Variants in BACH2 observed in about 807,000 individuals in gnomAD.
BACH2 encodes transcription regulator protein BACH2.
A neutral mutation model predicts 61.8 loss-of-function variants in BACH2; 5 were observed. The ratio of observed to expected loss-of-function variants is 0.08; its 90% confidence interval spans 0.04 to 0.17. The LOEUF is 0.17. Ranked by LOEUF, BACH2 falls within the 10% of genes least tolerant of loss-of-function variation. The probability of loss-of-function intolerance (pLI) is 1.00; values close to 1 mark genes in which losing one functional copy is unlikely to be tolerated. For synonymous variants in BACH2, 446 were observed against 440.1 expected, an observed-to-expected ratio of 1.01 and a Z score of -0.17; for missense variants, 824 against 1,091.1, an observed-to-expected ratio of 0.76 and a Z score of 3.45.
chr6:90,111,566 G>A (rs1783171417), intron 4 of BACH2, among the ~76,000 whole-genome samples: 2 of 152,116 alleles, frequency 1.3e-5, no homozygotes, highest in South Asian at 4.1e-4. Context: ...TATCCTGTGT[G>A]CTCCAGCCTG....
At chr6:90,197,504 A>G (rs1768800152) in intron 4 of BACH2, among the ~76,000 whole-genome samples, 1 of 152,224 alleles carries the variant, frequency 6.6e-6, no homozygotes, top group South Asian at 2.1e-4. Context: ...TGACAGAAAA[A>G]GGGCAGAGTT....
intron 5 of BACH2, among the ~76,000 whole-genome samples, chr6:90,037,393 C>T (rs1360130974): frequency 6.6e-6 from 1 of 152,222 alleles, no homozygotes; most frequent in Non-Finnish European, 1.5e-5. Flanking sequence ...GAGTTTTACA[C>T]AACTATAAAA....
At chr6:90,272,085 C>A (rs968900004) in intron 1 of BACH2, 144 bp from the exon 2 acceptor site, 1 of 152,212 alleles carries the variant, frequency 6.6e-6, no homozygotes, top group African/African-American at 2.4e-5. Context: ...CAGGGACTTG[C>A]CCATGAGGAA....
chr6:90,093,771 G>A (rs542505533), intron 4 of BACH2, among the ~76,000 whole-genome samples: 10 of 152,298 alleles, frequency 6.6e-5, no homozygotes, highest in Admixed American at 6.5e-5. Flanking sequence ...TGGTGAATAA[G>A]AGTACCATGG....
At chr6:90,101,210 T>C (rs935498790) in intron 4 of BACH2, among the ~76,000 whole-genome samples, 1 of 152,246 alleles carries the variant, frequency 6.6e-6, no homozygotes, top group Non-Finnish European at 1.5e-5. Context: ...ACTTTCTTAA[T>C]GGTTTCCTTT....
chr6:90,108,714 C>T (rs1330762934), intron 4 of BACH2, among the ~76,000 whole-genome samples: 2 of 152,190 alleles, frequency 1.3e-5, no homozygotes, highest in Non-Finnish European at 2.9e-5. Context: ...TATCATTGCT[C>T]TAGACTTAAG....
At chr6:90,203,768 G>A (rs1056465247) in intron 4 of BACH2, among the ~76,000 whole-genome samples, 1 of 152,082 alleles carries the variant, frequency 6.6e-6, no homozygotes, top group Admixed American at 6.5e-5. Flanking sequence ...ATTCTTGATG[G>A]GCCTTATGCG....
intron 3 of BACH2, among the ~76,000 whole-genome samples, chr6:90,236,872 A>G (rs145466650): frequency 6.6e-6 from 1 of 152,160 alleles, no homozygotes; most frequent in Non-Finnish European, 1.5e-5. Flanking sequence ...TACTATGTCC[A>G]TGATTCCACT....
At chr6:90,171,272 G>A (rs770529517) in intron 4 of BACH2, among the ~76,000 whole-genome samples, 6 of 151,990 alleles carry the variant, frequency 3.9e-5, no homozygotes, top group Non-Finnish European at 7.4e-5. Context: ...AATTAGCCAG[G>A]TGTGGTAGTG....
chr6:90,022,640 C>T (rs1187039070), intron 5 of BACH2, among the ~76,000 whole-genome samples: 6 of 152,060 alleles, frequency 3.9e-5, no homozygotes, highest in South Asian at 2.1e-4. Context: ...CAGTCTGATA[C>T]GGAAACTGAG....
chr6:90,251,986 G>C (rs1396359741), intron 3 of BACH2, among the ~76,000 whole-genome samples: 1 of 152,066 alleles, frequency 6.6e-6, no homozygotes, highest in Non-Finnish European at 1.5e-5. Flanking sequence ...AAGGAAGGAA[G>C]AAAGAAAACA....
chr6:90,155,396 C>CA (rs1784963295), intron 4 of BACH2, among the ~76,000 whole-genome samples: 1 of 152,196 alleles, frequency 6.6e-6, no homozygotes, highest in Non-Finnish European at 1.5e-5. Context: ...TAATAAACAT[C>CA]ATTTTTGGAA....
intron 5 of BACH2, among the ~76,000 whole-genome samples, chr6:90,072,121 G>A (rs892439638): frequency 6.6e-6 from 1 of 152,214 alleles, no homozygotes; most frequent in Non-Finnish European, 1.5e-5. Flanking sequence ...TTGTTTAAGG[G>A]TTAATTGTAC....
rs1037580611 is a variant in BACH2, at chr6:90,072,884, T to A, written c.-13+16077A>T. Among the ~76,000 whole-genome samples the A allele has an allele frequency of 1.7e-3, 265 of 152,194 alleles. 3 individuals carry two copies. Among genetic ancestry groups the A allele is most frequent in the Non-Finnish European group, 3.4e-4 (23 of 68,012 alleles). On this transcript the variant is annotated intron_variant, in intron 5 of 8. Coordinates refer to ENST00000257749, the MANE Select transcript of BACH2 (RefSeq NM_021813.4). ...ATTATTTCCAACCCACACTTGTCCT[T>A]CTAAAAAAAACCAACCCGCTACTGA...
chr6:90,222,269 A>C (rs942887662), intron 3 of BACH2, among the ~76,000 whole-genome samples: 1 of 152,144 alleles, frequency 6.6e-6, no homozygotes, highest in Non-Finnish European at 1.5e-5. Flanking sequence ...AGACCAAAGG[A>C]TATGCTTGGT....
In BACH2 at chr6:90,238,268, C is replaced by T. The variant is rs548145177; in HGVS notation, c.-275+14245G>A. 4.6e-5 allele frequency among the ~76,000 whole-genome samples: 7 copies of T among 152,166 alleles called. No homozygotes were observed. In the South Asian group the frequency reaches 1.5e-3, roughly 32 times the overall value. Reference sequence around the variant, plus strand: ...TTGGGAAAGCAAATTTAATGAACTCCCTGAAACTCTTAGAGAAAAATTATG... The same window carrying T: ...TTGGGAAAGCAAATTTAATGAACTCTCTGAAACTCTTAGAGAAAAATTATG... On this transcript the variant is annotated intron_variant, in intron 3 of 8. Coordinates refer to ENST00000257749, the MANE Select transcript of BACH2 (RefSeq NM_021813.4).
chr6:90,100,768 C>T (rs895192756), intron 4 of BACH2, among the ~76,000 whole-genome samples: 47 of 152,030 alleles, frequency 3.1e-4, no homozygotes, highest in African/African-American at 1.1e-3. Flanking sequence ...TGGTTCTATT[C>T]TCTGCAGAAC....
chr6:89,978,026 T>C (rs1272505551), intron 6 of BACH2, among the ~76,000 whole-genome samples: 1 of 152,022 alleles, frequency 6.6e-6, no homozygotes, highest in Non-Finnish European at 1.5e-5. Context: ...AGTAAGATAA[T>C]GAAAGAGCAT....
At chr6:90,069,760 G>A (rs750008640) in intron 5 of BACH2, among the ~76,000 whole-genome samples, 8 of 152,192 alleles carry the variant, frequency 5.3e-5, no homozygotes, top group Non-Finnish European at 1.0e-4. Flanking sequence ...ACAAGAAGGC[G>A]ATTAGGGAAA....
Sources: allele counts gnomAD v4.1 joint callset (sites outside exome capture counted in the v4.1 genomes callset), GRCh38; gene constraint gnomAD v4.1.1; transcripts MANE v1.5; gene names NCBI Gene and HGNC (gene_info 2026-07-23, HGNC 2026-07-21).